The following CCDC7 variants were observed in gnomAD, a reference collection of about 807,000 sequenced individuals.
The protein encoded by CCDC7 is coiled-coil domain-containing protein 7.
A neutral mutation model predicts 196.9 loss-of-function variants in CCDC7; 183 were observed. The observed-to-expected ratio is 0.93, with a 90% CI of 0.82 to 1.05. The LOEUF (loss-of-function observed/expected upper bound fraction) is 1.05. CCDC7 is among the 50% of genes least tolerant of loss of function. The pLI is 0.00. For synonymous variants in CCDC7, 525 were observed against 484.6 expected (o/e 1.08, Z -1.10); for missense variants, 1,540 against 1,482.2 (o/e 1.04, Z -0.64).
At chr10:32,616,884 G>A (rs539678875) in intron 18 of CCDC7, among the ~76,000 whole-genome samples, 1 of 151,740 alleles carries the variant, frequency 6.6e-6, no homozygotes, top group Admixed American at 6.6e-5. Context: ...TGAATTTTAT[G>A]GAATGCTTTT....
At chr10:32,725,356 C>T (rs925470332) in intron 25 of CCDC7, 10 of 470,896 alleles carry the variant, frequency 2.1e-5, no homozygotes, top group African/African-American at 2.0e-4. Context: ...TGCAGTCTGC[C>T]CCCAACACTC....
chr10:32,532,167 G>T (rs111725380), intron 11 of CCDC7, among the ~76,000 whole-genome samples: 5 of 151,566 alleles, frequency 3.3e-5, no homozygotes, highest in African/African-American at 1.2e-4. Context: ...CTTAACATTG[G>T]CGTTTATTGC....
chr10:32,638,827 C>A (rs2066160998), intron 20 of CCDC7, among the ~76,000 whole-genome samples: 2 of 152,124 alleles, frequency 1.3e-5, no homozygotes, highest in Admixed American at 6.5e-5. Flanking sequence ...CCTTGTACCT[C>A]TGGTAGAATT....
rs1410007822 is a variant in CCDC7, at chr10:32,726,790, C to T, written c.2626C>T (p.Gln876Ter). The T allele has an allele frequency of 6.2e-7, 1 of 1,600,468 alleles. No homozygotes were observed. The highest frequency in any genetic ancestry group is 8.5e-7 in the Non-Finnish European group (1 of 1,171,344). ...AGATTCAGTGTCAAAACTCCAAATG[C>T]AAGAAAAGAAAAAAATAACTCCTGG... Residue 876 changes from glutamine (Q) to a stop codon, truncating the protein, a stop_gained, in exon 26 of 42, where the codon CAA (glutamine) becomes TAA (stop). Transcript: ENST00000639629. LOFTEE classifies it high-confidence loss of function.
At chr10:32,714,230 G>A (rs552974217) in intron 25 of CCDC7, among the ~76,000 whole-genome samples, 2 of 152,316 alleles carry the variant, frequency 1.3e-5, no homozygotes, top group East Asian at 3.9e-4. Flanking sequence ...TGGTTAGAAA[G>A]TGGGTGCAGC....
intron 28 of CCDC7, among the ~76,000 whole-genome samples, chr10:32,768,008 G>A (rs1268945107): frequency 5.3e-5 from 8 of 152,028 alleles, no homozygotes; most frequent in Non-Finnish European, 1.0e-4. Context: ...AACAGCAGAA[G>A]TGATCAAGTA....
intron 25 of CCDC7, among the ~76,000 whole-genome samples, chr10:32,724,223 C>G (rs184851548): frequency 6.6e-6 from 1 of 152,106 alleles, no homozygotes; most frequent in Non-Finnish European, 1.5e-5. Flanking sequence ...CAGACTCTTG[C>G]AAAGGATTCA....
chr10:32,760,417 A>G (rs879539314), intron 28 of CCDC7, among the ~76,000 whole-genome samples: 1 of 151,922 alleles, frequency 6.6e-6, no homozygotes, highest in Non-Finnish European at 1.5e-5. Flanking sequence ...ATGCAGCCAT[A>G]AAAAATGATG....
rs575955301 is a variant in CCDC7, at chr10:32,772,962, C to T, written c.2906-6015C>T. On this transcript the variant is annotated intron_variant, in intron 28 of 41. Coordinates refer to ENST00000639629, the Ensembl canonical transcript of CCDC7. The stretch of plus-strand genomic sequence containing the variant: ...TGGTTTTCCTGTTCAGGTTCGGCAT[C>T]ACTTCTTGAAAAAAAGTTCACAGTG... Among the ~76,000 whole-genome samples the T allele has an allele frequency of 2.0e-5, 3 of 152,252 alleles. No homozygotes were observed. In the South Asian group the frequency reaches 6.2e-4, roughly 32 times the overall value.
At chr10:32,623,704 C>G (rs2063657873) in intron 18 of CCDC7, 1 of 468,144 alleles carries the variant, frequency 2.1e-6, no homozygotes, top group Admixed American at 2.4e-5. Flanking sequence ...CTTATTTTGT[C>G]TCATGGTTCT....
intron 30 of CCDC7, among the ~76,000 whole-genome samples, chr10:32,805,349 G>A (rs1188047466): frequency 6.6e-6 from 1 of 152,136 alleles, no homozygotes; most frequent in Non-Finnish European, 1.5e-5. Context: ...AGTGAGCTTA[G>A]AATATACTTG....
intron 11 of CCDC7, among the ~76,000 whole-genome samples, chr10:32,533,246 A>AACACACACACACACACAC (rs58119017): frequency 0.015 from 2,111 of 144,578 alleles, 18 homozygotes; most frequent in Admixed American, 0.021. Flanking sequence ...AAACAAAGGA[A>AACACACACACACACACAC]ACACACACAC....
At chr10:32,560,120 G>A (rs533988047) in intron 13 of CCDC7, among the ~76,000 whole-genome samples, 24 of 152,162 alleles carry the variant, frequency 1.6e-4, no homozygotes, top group Admixed American at 1.2e-3. Flanking sequence ...GAAGTTTAGA[G>A]GAAAAAGAAT....
At chr10:32,839,243 C>T (rs2092817396) in intron 33 of CCDC7, among the ~76,000 whole-genome samples, 1 of 151,606 alleles carries the variant, frequency 6.6e-6, no homozygotes, top group Non-Finnish European at 1.5e-5. Context: ...TAAGAAAAAC[C>T]TAGTTTCTGC....
At chr10:32,600,480 AG>A (rs2060881681) in intron 18 of CCDC7, among the ~76,000 whole-genome samples, 1 of 152,086 alleles carries the variant, frequency 6.6e-6, no homozygotes, top group South Asian at 2.1e-4. Flanking sequence ...AGGCTTTTCT[AG>A]GTATATGATC....
intron 25 of CCDC7, among the ~76,000 whole-genome samples, chr10:32,719,956 TGTG>T (rs1167287373): frequency 2.3e-4 from 35 of 152,316 alleles, no homozygotes; most frequent in African/African-American, 8.4e-4. Flanking sequence ...TGGAAGACAG[TGTG>T]GCAATTCCTC....
chr10:32,674,779 A>T (rs557706392), intron 21 of CCDC7, among the ~76,000 whole-genome samples: 4 of 152,056 alleles, frequency 2.6e-5, no homozygotes, highest in South Asian at 2.1e-4. Context: ...ACATATATAT[A>T]TTTTTGAGAT....
intron 28 of CCDC7, among the ~76,000 whole-genome samples, chr10:32,758,004 A>G (rs769708489): frequency 6.6e-6 from 1 of 152,246 alleles, no homozygotes; most frequent in Admixed American, 6.5e-5. Context: ...ATCTAGAAGA[A>G]ATGAATAAAT....
At chr10:32,767,965 A>G (rs1402780134) in intron 28 of CCDC7, among the ~76,000 whole-genome samples, 3 of 152,112 alleles carry the variant, frequency 2.0e-5, no homozygotes, top group Non-Finnish European at 4.4e-5. Context: ...GAGAAATTCA[A>G]TGGACATATA....
Sources: allele counts gnomAD v4.1 joint callset (sites outside exome capture counted in the v4.1 genomes callset), GRCh38; gene constraint gnomAD v4.1.1; transcripts MANE v1.5; gene names NCBI Gene and HGNC (gene_info 2026-07-23, HGNC 2026-07-21).